UNC93A: variants seen among roughly 807,000 people sequenced by gnomAD.
UNC93A encodes unc-93 homolog A, also known as N-acetylglucosamine transporter UNC93A.
In UNC93A, 43 loss-of-function variants were observed where a neutral mutation model predicts 47.5. That is an observed-to-expected ratio of 0.91 (90% CI 0.71 to 1.17). UNC93A has a LOEUF of 1.17. UNC93A is among the 50% of genes most tolerant of loss of function. UNC93A has a pLI of 0.00. For missense variants in UNC93A, 605 were observed against 577.6 expected, an observed-to-expected ratio of 1.05 and a Z score of -0.49; for synonymous variants, 280 against 258.0, an observed-to-expected ratio of 1.09 and a Z score of -0.82.
chr6:167,303,116 G>A (rs1257436171), intron 4 of UNC93A, among the ~76,000 whole-genome samples: 1 of 152,162 alleles, frequency 6.6e-6, no homozygotes, highest in Non-Finnish European at 1.5e-5. Flanking sequence ...CCTTTGGGTG[G>A]GCAAGCACTG....
chr6:167,294,096 C>T (rs112211659), intron 1 of UNC93A, among the ~76,000 whole-genome samples: 1,685 of 152,284 alleles, frequency 0.011, 37 homozygotes, highest in African/African-American at 0.039. Context: ...TCATATCCTT[C>T]GGGCCTCCCC....
chr6:167,285,331 T>G (rs1443503802), intron 1 of UNC93A, among the ~76,000 whole-genome samples: 5 of 151,870 alleles, frequency 3.3e-5, no homozygotes, highest in Non-Finnish European at 1.5e-5. Context: ...AGGATTGCCA[T>G]GTAGCCAGCT....
At chr6:167,292,962 C>G (rs560236622) in intron 1 of UNC93A, among the ~76,000 whole-genome samples, 5 of 152,244 alleles carry the variant, frequency 3.3e-5, no homozygotes, top group Admixed American at 3.3e-4. Flanking sequence ...TCTGGTGGAT[C>G]CGCTGTGGCT....
chr6:167,285,906 CAAT>C (rs1783719126), intron 1 of UNC93A, among the ~76,000 whole-genome samples: 2 of 150,028 alleles, frequency 1.3e-5, no homozygotes, highest in South Asian at 4.3e-4. Flanking sequence ...TTCCTCCCAC[CAAT>C]TCTATGTCCA....
intron 1 of UNC93A, among the ~76,000 whole-genome samples, chr6:167,285,367 C>T (rs1417006588): frequency 6.6e-6 from 1 of 151,868 alleles, no homozygotes; most frequent in African/African-American, 2.4e-5. Context: ...TCCCAGGGCC[C>T]AATCCCACTG....
chr6:167,285,922 GA>G (rs1783719645), intron 1 of UNC93A, among the ~76,000 whole-genome samples: 1 of 147,838 alleles, frequency 6.8e-6, no homozygotes, highest in South Asian at 2.2e-4. Flanking sequence ...TATGTCCAGT[GA>G]AGAGTTAGTT....
chr6:167,279,160 A>G (rs1272472990), intron 1 of UNC93A, among the ~76,000 whole-genome samples: 1 of 152,210 alleles, frequency 6.6e-6, no homozygotes, highest in Non-Finnish European at 1.5e-5. Flanking sequence ...TTCAGTGGAA[A>G]TCTATGGCAC....
chr6:167,315,447 A>T lies in UNC93A; in HGVS notation c.1369A>T (p.Met457Leu). The T allele has an allele frequency of 1.2e-6, 2 of 1,613,870 alleles. No individual in the cohort carries two copies. Among genetic ancestry groups the T allele is most frequent in the East Asian group, 2.2e-5 (1 of 44,898 alleles). Residue 457 changes from methionine (M) to leucine (L), a missense_variant, in exon 8 of 8, where the codon ATG (methionine) becomes TTG (leucine). Transcript: ENST00000230256. ...QAEDEEIQTK[M>L] The stretch of plus-strand genomic sequence containing the variant: ...AGAGGATGAAGAAATACAAACAAAA[A>T]TGTGAGAGCAGTGAGGTCCGAGGAG...
upstream of UNC93A, chr6:167,291,301 T>C (rs1783834946): frequency 2.0e-6 from 1 of 501,630 alleles, no homozygotes; most frequent in Non-Finnish European, 3.5e-6. Context: ...ATGGGGTCAG[T>C]GATAACCAAG....
At chr6:167,289,752 A>C (rs1038745853), upstream of UNC93A, among the ~76,000 whole-genome samples, 1 of 151,402 alleles carries the variant, frequency 6.6e-6, no homozygotes, top group Middle Eastern at 3.4e-3. Context: ...TAATATCAAA[A>C]TACAGGTCAT....
chr6:167,276,701 T>TGGAAA (rs1201648518), intron 1 of UNC93A, among the ~76,000 whole-genome samples: 7 of 152,254 alleles, frequency 4.6e-5, no homozygotes, highest in South Asian at 2.1e-4. Context: ...GACTCTTCCA[T>TGGAAA]GTTTGGGAAA....
chr6:167,295,091 G>T (rs1019774091), intron 2 of UNC93A, among the ~76,000 whole-genome samples: 2 of 152,136 alleles, frequency 1.3e-5, no homozygotes, highest in Non-Finnish European at 2.9e-5. Context: ...GCTGCACCTC[G>T]CCCACCATTA....
chr6:167,273,795 A>C (rs1831492), intron 1 of UNC93A, among the ~76,000 whole-genome samples: 22,768 of 151,904 alleles, frequency 0.15, 2,036 homozygotes, highest in South Asian at 0.29. Context: ...TCTGATTGGC[A>C]GTTGGTTGAA....
In UNC93A at chr6:167,295,727, T is replaced by TCCTCGTGCTCCTCGCCTC. The variant is rs1562350655; in HGVS notation, c.270-291_270-274dup. On this transcript the variant is annotated intron_variant, in intron 2 of 7. Coordinates refer to ENST00000230256, the MANE Select transcript of UNC93A (RefSeq NM_018974.4). Reference sequence around the variant, plus strand: ...CTCGCCTCCCTCGTGCTCCTCGCCTTCCTCGTGCTCCTCGCCTCCCTCGTG... The same window carrying TCCTCGTGCTCCTCGCCTC: ...CTCGCCTCCCTCGTGCTCCTCGCCTTCCTCGTGCTCCTCGCCTCCCTCGTGCTCCTCGCCTCCCTCGTG... Among the ~76,000 whole-genome samples the TCCTCGTGCTCCTCGCCTC allele has an allele frequency of 4.0e-4, 19 of 47,876 alleles. 2 individuals carry two copies. The highest frequency in any genetic ancestry group is 0.012 in the Middle Eastern group (1 of 84). 31.4% of individuals were successfully genotyped at this position (47,876 alleles called of 152,430 possible).
intron 4 of UNC93A, among the ~76,000 whole-genome samples, chr6:167,300,934 T>C (rs1344288406): frequency 6.6e-6 from 1 of 152,264 alleles, no homozygotes; most frequent in Non-Finnish European, 1.5e-5. Flanking sequence ...ACAGCAAATA[T>C]TCCTACATGT....
intron 4 of UNC93A, among the ~76,000 whole-genome samples, chr6:167,300,472 G>T (rs1047368307): frequency 6.6e-6 from 1 of 152,102 alleles, no homozygotes; most frequent in Non-Finnish European, 1.5e-5. Context: ...GCTCAGGGGG[G>T]AGGCTGGACG....
upstream of UNC93A, among the ~76,000 whole-genome samples, chr6:167,289,985 C>T (rs1433929930): frequency 6.6e-6 from 1 of 152,130 alleles, no homozygotes. Context: ...TGAAGTTGAA[C>T]CATATATGTA....
chr6:167,302,380 G>A (rs12662840), intron 4 of UNC93A, among the ~76,000 whole-genome samples: 39,200 of 151,992 alleles, frequency 0.26, 5,107 homozygotes, highest in Middle Eastern at 0.32. Context: ...CTAAGTTCTC[G>A]GAGGTAGAAA....
At chr6:167,304,490 C>G (rs1778327149) in intron 5 of UNC93A, among the ~76,000 whole-genome samples, 1 of 152,186 alleles carries the variant, frequency 6.6e-6, no homozygotes, top group African/African-American at 2.4e-5. Flanking sequence ...TGCACTCTTA[C>G]TTTAGAGTTT....
Sources: allele counts gnomAD v4.1 joint callset (sites outside exome capture counted in the v4.1 genomes callset), GRCh38; gene constraint gnomAD v4.1.1; transcripts MANE v1.5; gene names NCBI Gene and HGNC (gene_info 2026-07-23, HGNC 2026-07-21).